The following DCDC2C variants were observed in gnomAD, a reference collection of about 807,000 sequenced individuals.
DCDC2C encodes doublecortin domain containing 2C.
DCDC2C carries 44 observed loss-of-function variants against 45.0 expected under a neutral mutation model. The ratio of observed to expected loss-of-function variants is 0.98; its 90% CI spans 0.77 to 1.26. The LOEUF (loss-of-function observed/expected upper bound fraction) is 1.26. Ranked by LOEUF, DCDC2C falls within the 50% of genes most tolerant of loss-of-function variation. The pLI is 0.00. For synonymous variants in DCDC2C, 187 were observed against 178.8 expected (o/e 1.05, Z -0.37); for missense variants, 447 against 468.9 (o/e 0.95, Z 0.43).
intron 10 of DCDC2C, among the ~76,000 whole-genome samples, chr2:3,794,736 G>A (rs567049646): frequency 2.0e-5 from 3 of 152,296 alleles, no homozygotes; most frequent in African/African-American, 7.2e-5. Context: ...TGGTGTATAT[G>A]TGCCACATTT....
intron 2 of DCDC2C, among the ~76,000 whole-genome samples, chr2:3,712,573 A>G (rs1668243384): frequency 1.3e-5 from 2 of 152,000 alleles, no homozygotes; most frequent in Non-Finnish European, 2.9e-5. Flanking sequence ...GTGTTTGAGG[A>G]TGCAGTGAGC....
rs1226236293 is a variant in DCDC2C at position 3,761,136 on chromosome 2, A to G, written c.726+6502A>G. The stretch of plus-strand genomic sequence containing the variant: ...GAACTGCATTTACTGTGATTTTAAT[A>G]GCTATTGCCTTCCAAAGAAGAAATG... On this transcript the variant is annotated intron_variant, in intron 6 of 10. Coordinates refer to ENST00000399143, the MANE Select transcript of DCDC2C (RefSeq NM_001287444.2). This position sits in a 1 kb window ranked among gnomAD's most constrained non-coding sequence, Gnocchi z 4.3. Among the ~76,000 whole-genome samples, 1 of 152,246 alleles carries G rather than the reference A, an allele frequency of 6.6e-6. No homozygotes were observed. Among genetic ancestry groups the G allele is most frequent in the Non-Finnish European group, 1.5e-5 (1 of 68,044 alleles).
chr2:3,769,355 G>A lies in DCDC2C; in HGVS notation c.898G>A (p.Gly300Arg). The A allele has an allele frequency of 6.4e-7, 1 of 1,550,668 alleles. No individual in the cohort carries two copies. Among genetic ancestry groups the A allele is most frequent in the Non-Finnish European group, 8.7e-7 (1 of 1,146,994 alleles). The change falls in exon 8 of 11, where the codon GGG becomes AGG. Residue 300 changes from glycine (G) to arginine (R), a missense_variant. Transcript: ENST00000399143. ...ACCGACTCCTAGCAAGGAAACCCAA[G>A]GGGCGCTGGACGTCAAAGAGGAGCA... ...KAPTPSKETQ[G>R]ALDVKEEHNV... is the part of the protein sequence containing the mutation.
rs1345784474 is a variant in DCDC2C at position 3,767,858 on chromosome 2, A to C, written c.831A>C (p.Glu277Asp). ...AAGAAAAGAAGAAAACATTGGCAGA[A>C]CCTTTAGTCCAAAGGGGTGCAGGTG... The part of the protein sequence containing the change: ...AKEEKKKTLA[E>D]PLVQRGAEGD... Residue 277 changes from glutamate to aspartate, a missense_variant, in exon 7 of 11, where the codon GAA becomes GAC. Coordinates refer to ENST00000399143, the MANE Select transcript of DCDC2C (RefSeq NM_001287444.2). 1 of 1,539,718 alleles carries C rather than the reference A, an allele frequency of 6.5e-7. No individual in the cohort carries two copies. Among genetic ancestry groups the C allele is most frequent in the Admixed American group, 2.0e-5 (1 of 48,822 alleles).
intron 3 of DCDC2C, among the ~76,000 whole-genome samples, chr2:3,727,565 G>C (rs1668729909): frequency 6.6e-6 from 1 of 152,228 alleles, no homozygotes; most frequent in African/African-American, 2.4e-5. Context: ...GTTGCTACAG[G>C]AACGGAGTGC....
At chr2:3,784,886 G>A (rs948506103) in intron 9 of DCDC2C, among the ~76,000 whole-genome samples, 173 bp from the exon 10 acceptor site, 3 of 152,242 alleles carry the variant, frequency 2.0e-5, no homozygotes, top group Non-Finnish European at 4.4e-5. Flanking sequence ...GAACAGAGCA[G>A]TGAGTCAGTA....
intron 10 of DCDC2C, among the ~76,000 whole-genome samples, chr2:3,786,283 G>A (rs900594202): frequency 2.1e-5 from 3 of 145,664 alleles, no homozygotes; most frequent in Non-Finnish European, 3.0e-5. Context: ...TCCCGCCCCC[G>A]CCCTCCACGT....
intron 10 of DCDC2C, among the ~76,000 whole-genome samples, chr2:3,819,609 A>T (rs1479399997): frequency 6.6e-6 from 1 of 152,232 alleles, no homozygotes; most frequent in East Asian, 1.9e-4. Context: ...AACAAAATGC[A>T]TATTGAGAAT....
chr2:3,817,044 G>T (rs558642850), intron 10 of DCDC2C, among the ~76,000 whole-genome samples: 2 of 152,340 alleles, frequency 1.3e-5, no homozygotes, highest in South Asian at 4.1e-4. Context: ...AGAACCATTT[G>T]CCTTGTGTGG....
chr2:3,735,050 A>C (rs557544144), intron 3 of DCDC2C, among the ~76,000 whole-genome samples: 53 of 152,204 alleles, frequency 3.5e-4, no homozygotes, highest in African/African-American at 1.3e-3. Context: ...GGAAAGGAAA[A>C]TGTTGAAGAC....
intron 6 of DCDC2C, among the ~76,000 whole-genome samples, chr2:3,757,803 A>G (rs1203741004): frequency 3.3e-5 from 5 of 152,000 alleles, no homozygotes; most frequent in Admixed American, 6.6e-5. Flanking sequence ...ACCAGCACCA[A>G]CCTCCCCATC....
intron 2 of DCDC2C, among the ~76,000 whole-genome samples, chr2:3,725,599 A>C (rs76928849): frequency 0.02 from 543 of 26,826 alleles, 45 homozygotes; most frequent in African/African-American, 0.06. Context: ...GGAGGCTGCC[A>C]GGTGGATCCT....
intron 10 of DCDC2C, among the ~76,000 whole-genome samples, chr2:3,803,513 T>C (rs1390074961): frequency 1.3e-5 from 2 of 152,266 alleles, no homozygotes; most frequent in African/African-American, 4.8e-5. Context: ...TTCCAAATGC[T>C]ATTTCAGTCC....
chr2:3,837,164 A>G (rs1672102120), intron 10 of DCDC2C, among the ~76,000 whole-genome samples: 1 of 152,174 alleles, frequency 6.6e-6, no homozygotes, highest in Non-Finnish European at 1.5e-5. Context: ...GAACACAAGT[A>G]CACTGGCCAA....
chr2:3,795,422 T>C (rs1446751365), intron 10 of DCDC2C, among the ~76,000 whole-genome samples: 1 of 128,130 alleles, frequency 7.8e-6, no homozygotes, highest in Non-Finnish European at 1.6e-5. Context: ...TTTTGGTGTT[T>C]TAGACATGAA....
rs1364234845 is a variant in DCDC2C, at chr2:3,820,991, G to T, written c.1066-26163G>T. On this transcript the variant is annotated intron_variant, in intron 10 of 10. Transcript: ENST00000399143. Reference sequence around the variant, plus strand: ...GTAAAGAGTCCACCAAACAGGCTTTGTGTGAGCAACAAGGCTGTTTATTTC... The same window carrying T: ...GTAAAGAGTCCACCAAACAGGCTTTTTGTGAGCAACAAGGCTGTTTATTTC... Among the ~76,000 whole-genome samples the T allele has an allele frequency of 2.6e-5, 4 of 152,170 alleles. No individual in the cohort carries two copies. The South Asian group carries it at 8.3e-4, about 32-fold the overall frequency.
intron 6 of DCDC2C, among the ~76,000 whole-genome samples, chr2:3,756,669 C>T (rs916151003): frequency 9.9e-5 from 15 of 152,206 alleles, no homozygotes; most frequent in Admixed American, 3.9e-4. Flanking sequence ...TTCACGGCCA[C>T]GGTCCTTATC....
intron 6 of DCDC2C, among the ~76,000 whole-genome samples, chr2:3,762,701 TCCCACC>T (rs1669913164): frequency 6.6e-6 from 1 of 151,828 alleles, no homozygotes; most frequent in Non-Finnish European, 1.5e-5. Context: ...CCCAAACCCC[TCCCACC>T]AGGCCCCACC....
chr2:3,803,266 G>T (rs1468516078), intron 10 of DCDC2C, among the ~76,000 whole-genome samples: 2 of 151,968 alleles, frequency 1.3e-5, no homozygotes, highest in Middle Eastern at 3.4e-3. Flanking sequence ...GGGTTTTTTT[G>T]TTTGTTTGTT....
Sources: gnomAD v4.1 joint callset for allele counts (sites outside exome capture counted in the v4.1 genomes callset) on GRCh38, gnomAD v4.1.1 for gene constraint, Gnocchi (gnomAD v3.1) non-coding constraint, MANE v1.5 for transcripts, NCBI Gene and HGNC (gene_info 2026-07-23, HGNC 2026-07-21) for gene names.